Variants in ASAP1 observed in about 807,000 individuals in gnomAD.
ASAP1 encodes the protein arf-GAP with SH3 domain, ANK repeat and PH domain-containing protein 1.
A neutral mutation model predicts 145.2 loss-of-function variants in ASAP1; 43 were observed. The ratio of observed to expected loss-of-function variants is 0.30; its 90% CI spans 0.23 to 0.38. The LOEUF (loss-of-function observed/expected upper bound fraction) is 0.38. ASAP1 is among the 10% of genes least tolerant of loss of function. The probability of loss-of-function intolerance (pLI) is 1.00; values close to 1 mark genes in which losing one functional copy is unlikely to be tolerated. For missense variants in ASAP1, 1,018 were observed against 1,355.3 expected, an observed-to-expected ratio of 0.75 and a Z score of 3.91; for synonymous variants, 546 against 515.5, an observed-to-expected ratio of 1.06 and a Z score of -0.80.
intron 3 of ASAP1, among the ~76,000 whole-genome samples, chr8:130,267,905 C>G (rs1262697662): frequency 6.6e-6 from 1 of 152,142 alleles, no homozygotes; most frequent in Non-Finnish European, 1.5e-5. Flanking sequence ...GTAGTCTTTC[C>G]TAAAACCATG....
intron 3 of ASAP1, among the ~76,000 whole-genome samples, chr8:130,294,677 G>C (rs902063171): frequency 6.6e-6 from 1 of 152,168 alleles, no homozygotes; most frequent in Non-Finnish European, 1.5e-5. Context: ...CCTGCAGTGG[G>C]AAAAGCATCA....
At chr8:130,231,993 A>G (rs1171276366) in intron 4 of ASAP1, among the ~76,000 whole-genome samples, 1 of 152,250 alleles carries the variant, frequency 6.6e-6, no homozygotes, top group Non-Finnish European at 1.5e-5. Flanking sequence ...GACTGGGGTT[A>G]GATTTGCTTC....
chr8:130,314,023 T>C (rs1220281149), intron 3 of ASAP1, among the ~76,000 whole-genome samples: 8 of 152,178 alleles, frequency 5.3e-5, no homozygotes, highest in African/African-American at 1.9e-4. Flanking sequence ...TGACAGGAAG[T>C]CAATCTGAAT....
intron 1 of ASAP1, among the ~76,000 whole-genome samples, chr8:130,441,424 T>G (rs1229828648): frequency 6.6e-6 from 1 of 152,090 alleles, no homozygotes; most frequent in Non-Finnish European, 1.5e-5. Context: ...GAAAAGACCT[T>G]CCGGAGCCCA....
At chr8:130,248,377 A>C (rs1172152516) in intron 3 of ASAP1, among the ~76,000 whole-genome samples, 1 of 152,198 alleles carries the variant, frequency 6.6e-6, no homozygotes, top group Non-Finnish European at 1.5e-5. Context: ...GACAGAGAAC[A>C]ACCACGTGCA....
intron 2 of ASAP1, among the ~76,000 whole-genome samples, chr8:130,384,330 T>C (rs1326992478): frequency 6.6e-6 from 1 of 152,162 alleles, no homozygotes; most frequent in African/African-American, 2.4e-5. Context: ...AAGCTGTCAT[T>C]GCTATGTAAT....
intron 24 of ASAP1, among the ~76,000 whole-genome samples, chr8:130,095,696 G>A (rs2097516143): frequency 6.6e-6 from 1 of 150,528 alleles, no homozygotes. Flanking sequence ...TCGGCTCACT[G>A]CAACTTCTGC....
At chr8:130,421,131 C>T (rs1297262883) in intron 1 of ASAP1, among the ~76,000 whole-genome samples, 11 of 152,144 alleles carry the variant, frequency 7.2e-5, no homozygotes, top group African/African-American at 2.4e-4. Flanking sequence ...TTGTCCTCTG[C>T]CTCTCTCCTC....
intron 1 of ASAP1, among the ~76,000 whole-genome samples, chr8:130,439,464 T>A (rs1830420929): frequency 6.6e-6 from 1 of 152,188 alleles, no homozygotes; most frequent in Non-Finnish European, 1.5e-5. Flanking sequence ...TATTTATATG[T>A]CTATCACCCC....
At chr8:130,417,243 C>G (rs1587006443) in intron 1 of ASAP1, among the ~76,000 whole-genome samples, 1 of 151,728 alleles carries the variant, frequency 6.6e-6, no homozygotes, top group East Asian at 1.9e-4. Context: ...TACAGACAGA[C>G]AGATATACAA....
chr8:130,312,517 G>A (rs1823420650), intron 3 of ASAP1, among the ~76,000 whole-genome samples: 2 of 152,030 alleles, frequency 1.3e-5, no homozygotes, highest in Admixed American at 6.6e-5. Context: ...AACTCCAGGG[G>A]GCCTTCTCTC....
intron 1 of ASAP1, among the ~76,000 whole-genome samples, chr8:130,412,932 C>T (rs915494512): frequency 2.0e-5 from 3 of 152,220 alleles, no homozygotes; most frequent in African/African-American, 7.2e-5. Context: ...GAGTGAGCCA[C>T]TGTGCCCAGC....
At chr8:130,392,067 C>G (rs1828310484) in intron 2 of ASAP1, among the ~76,000 whole-genome samples, 1 of 152,238 alleles carries the variant, frequency 6.6e-6, no homozygotes, top group Admixed American at 6.5e-5. Context: ...ATCTTCTCAT[C>G]TGGTTTGCAG....
intron 15 of ASAP1, among the ~76,000 whole-genome samples, chr8:130,131,804 A>C (rs1011380996): frequency 6.6e-6 from 1 of 152,130 alleles, no homozygotes; most frequent in African/African-American, 2.4e-5. Context: ...TCTCAGAAAC[A>C]AAACAAAACT....
At chr8:130,072,825 G>GCGCGCGCGCGCA (rs1554816409) in intron 27 of ASAP1, among the ~76,000 whole-genome samples, 16 of 54,098 alleles carry the variant, frequency 3.0e-4, no homozygotes, top group Admixed American at 2.1e-3. Flanking sequence ...GTGTGTGTGT[G>GCGCGCGCGCGCA]CGCGCGGGGG....
At chr8:130,250,112 G>A (rs1052606374) in intron 3 of ASAP1, among the ~76,000 whole-genome samples, 1 of 151,934 alleles carries the variant, frequency 6.6e-6, no homozygotes, top group African/African-American at 2.4e-5. Flanking sequence ...AAAAAGATAG[G>A]CCATAGTGTC....
intron 3 of ASAP1, among the ~76,000 whole-genome samples, chr8:130,256,709 T>A (rs1819535785): frequency 7.5e-6 from 1 of 133,890 alleles, no homozygotes; most frequent in South Asian, 2.3e-4. Context: ...TAAAGAAAAT[T>A]CAAAATCTTC....
At chr8:130,326,781 A>C (rs1426206982) in intron 3 of ASAP1, among the ~76,000 whole-genome samples, 1 of 152,240 alleles carries the variant, frequency 6.6e-6, no homozygotes, top group Non-Finnish European at 1.5e-5. Flanking sequence ...GCAAAGCATT[A>C]ATTTAATGCT....
intron 1 of ASAP1, among the ~76,000 whole-genome samples, chr8:130,412,764 G>A (rs1160108945): frequency 6.6e-6 from 1 of 151,468 alleles, no homozygotes; most frequent in Non-Finnish European, 1.5e-5. Context: ...TGATTCTCCT[G>A]CCTCAGCCTC....
Sources: allele counts gnomAD v4.1 joint callset (sites outside exome capture counted in the v4.1 genomes callset), GRCh38; gene constraint gnomAD v4.1.1; transcripts MANE v1.5; gene names NCBI Gene and HGNC (gene_info 2026-07-23, HGNC 2026-07-21).